The following XIST variants were observed in gnomAD, a reference collection of about 807,000 sequenced individuals.
XIST encodes the protein X inactive specific transcript (non-protein coding).
chrX:73,842,058 G>T (rs1378395215), exon 1 of XIST: 4 of 548,384 alleles, frequency 7.3e-6, no homozygotes, highest in Non-Finnish European at 1.3e-5. Context: ...ACCACCCTCA[G>T]TTAAAATGAG....
At chrX:73,824,421 G>T in exon 6 of XIST, 1 of 554,842 alleles carries the variant, frequency 1.8e-6, no homozygotes, top group Non-Finnish European at 3.3e-6. Context: ...TTCACAAAAT[G>T]CTAACATAGG....
intron 3 of XIST, chrX:73,831,278 A>C (rs1317937499): frequency 3.9e-6 from 2 of 518,650 alleles, no homozygotes; most frequent in Admixed American, 5.1e-5. Flanking sequence ...GGAAGATCTG[A>C]AAAGAGATAA....
At chrX:73,848,859 C>T (rs774197413) in exon 1 of XIST, 6 of 555,816 alleles carry the variant, frequency 1.1e-5, no homozygotes, top group Non-Finnish European at 1.9e-5. Context: ...CATATTAATG[C>T]AAGGTGGTAG....
chrX:73,835,027 T>C (rs1014549873), intron 2 of XIST, among the ~76,000 whole-genome samples: 5 of 110,955 alleles, frequency 4.5e-5, no homozygotes, highest in Admixed American at 9.6e-5. Flanking sequence ...TTCAACATTT[T>C]CATTCTCTAA....
chrX:73,828,317 T>G, intron 5 of XIST: 1 of 186,357 alleles, frequency 5.4e-6, no homozygotes, highest in Admixed American at 6.9e-5. Context: ...CTTATGAGTC[T>G]TCTTGGGTTA....
chrX:73,825,816 T>G, exon 6 of XIST: 1 of 541,778 alleles, frequency 1.8e-6, no homozygotes, highest in Non-Finnish European at 3.3e-6. Context: ...GGTTTTTCTC[T>G]TATGTTTTAC....
chrX:73,821,989 G>C, exon 6 of XIST: 1 of 558,243 alleles, frequency 1.8e-6, no homozygotes, highest in African/African-American at 2.2e-5. Flanking sequence ...CGTTATCTGA[G>C]GATTGTTTCT....
At chrX:73,849,339 C>A (rs1447057643) in exon 1 of XIST, 1 of 557,228 alleles carries the variant, frequency 1.8e-6, no homozygotes, top group Non-Finnish European at 3.2e-6. Context: ...CGACCCCCTG[C>A]TGAATGCAAA....
At chrX:73,838,386 C>G (rs2147702208) in intron 1 of XIST, among the ~76,000 whole-genome samples, 1 of 111,104 alleles carries the variant, frequency 9.0e-6, no homozygotes, top group South Asian at 3.7e-4. Context: ...CACTAGAAGA[C>G]TAGCATTCTA....
exon 1 of XIST, chrX:73,846,688 C>CT: frequency 1.8e-6 from 1 of 559,162 alleles, no homozygotes; most frequent in Non-Finnish European, 3.2e-6. Flanking sequence ...GAGGGGAGCA[C>CT]TTTCCTTCTC....
chrX:73,837,583 A>G (rs928785646), intron 1 of XIST: 6 of 480,415 alleles, frequency 1.2e-5, no homozygotes, highest in Admixed American at 9.0e-5. Context: ...TAATGTATCA[A>G]TATTGGTTTG....
exon 1 of XIST, chrX:73,846,614 A>C: frequency 1.8e-6 from 1 of 555,789 alleles, no homozygotes; most frequent in Admixed American, 2.2e-5. Context: ...TTGTGCACCT[A>C]GACTCTCCAA....
rs959187023 is a variant in XIST at position 73,828,958 on chromosome X, G to A, written n.11916+110C>T. 1.4e-5 allele frequency: 6 copies of A among 435,751 alleles called. No individual in the cohort carries two copies. In the Admixed American group the frequency reaches 2.1e-4, roughly 15 times the overall value. 35.9% of individuals were successfully genotyped at this position (435,751 alleles called of 1,213,427 possible). A position where few individuals can be genotyped will look rare whatever the true frequency, so the allele number is the denominator to read the frequency against. On this transcript the variant is annotated intron_variant and non_coding_transcript_variant, in intron 5 of 5. Coordinates refer to ENST00000429829, the Ensembl canonical transcript of XIST. Reference sequence around the variant, plus strand: ...TGGTCATCTTTCCATCTCACATTTAGCCCCACTTCACATTAGACCAACACA... The same window carrying A: ...TGGTCATCTTTCCATCTCACATTTAACCCCACTTCACATTAGACCAACACA...
At chrX:73,850,121 C>T (rs1414174197) in exon 1 of XIST, 1 of 556,915 alleles carries the variant, frequency 1.8e-6, no homozygotes, top group Non-Finnish European at 3.2e-6. Flanking sequence ...CTGTGTAAAC[C>T]TTCAAACACT....
exon 6 of XIST, chrX:73,822,758 C>A (rs1472251433): frequency 1.8e-6 from 1 of 550,487 alleles, no homozygotes; most frequent in Admixed American, 2.3e-5. Flanking sequence ...CATTTAGTAT[C>A]ATCTTCATCA....
exon 1 of XIST, chrX:73,848,614 A>C (rs1922834169): frequency 3.6e-6 from 2 of 556,580 alleles, no homozygotes; most frequent in Admixed American, 2.2e-5. Context: ...GGACAATTGC[A>C]ACTGTGCAAA....
At chrX:73,831,598 T>G (rs1366205526) in intron 3 of XIST, among the ~76,000 whole-genome samples, 1 of 111,933 alleles carries the variant, frequency 8.9e-6, no homozygotes, top group African/African-American at 3.3e-5. Context: ...CAATGTGGGT[T>G]GTTAATACCC....
chrX:73,830,057 G>A (rs1007833323), intron 4 of XIST, among the ~76,000 whole-genome samples: 12 of 110,076 alleles, frequency 1.1e-4, no homozygotes, highest in African/African-American at 3.6e-4. Flanking sequence ...ATAAAGGTGA[G>A]TCACTCTGGA....
exon 6 of XIST, chrX:73,821,419 C>A: frequency 1.8e-6 from 1 of 556,782 alleles, no homozygotes; most frequent in South Asian, 2.3e-5. Context: ...CAAGAAGGGT[C>A]ACACTGATTC....
Sources: gnomAD v4.1 joint callset for allele counts (sites outside exome capture counted in the v4.1 genomes callset) on GRCh38, gnomAD v4.1.1 for gene constraint, MANE v1.5 for transcripts, NCBI Gene and HGNC (gene_info 2026-07-23, HGNC 2026-07-21) for gene names.